The following RNFT2 variants were observed in gnomAD, a reference collection of about 807,000 sequenced individuals.
RNFT2 encodes ring finger protein, transmembrane 2.
Under a neutral mutation model 53.0 loss-of-function variants are expected in RNFT2, and 36 were observed. The ratio of observed to expected loss-of-function variants is 0.68; its 90% CI spans 0.52 to 0.90. RNFT2 has a LOEUF of 0.90. RNFT2 is among the 40% of genes least tolerant of loss of function. The probability of loss-of-function intolerance (pLI) is 0.00; values close to 1 mark genes in which losing one functional copy is unlikely to be tolerated. For missense variants in RNFT2, 514 were observed against 585.6 expected (o/e 0.88, Z 1.26); for synonymous variants, 260 against 253.2 (o/e 1.03, Z -0.26).
chr12:116,783,496 C>G (rs1873799908), intron 7 of RNFT2, among the ~76,000 whole-genome samples: 1 of 152,204 alleles, frequency 6.6e-6, no homozygotes, highest in Non-Finnish European at 1.5e-5. Context: ...TAGGCTGCAG[C>G]CATCAGCTGC....
intron 5 of RNFT2, among the ~76,000 whole-genome samples, chr12:116,761,722 A>C (rs1166996194): frequency 6.6e-6 from 1 of 152,158 alleles, no homozygotes; most frequent in Non-Finnish European, 1.5e-5. Context: ...CAGCCAGTGC[A>C]AGTGATGGCA....
At chr12:116,836,564 A>G (rs1432258456) in intron 10 of RNFT2, among the ~76,000 whole-genome samples, 2 of 152,184 alleles carry the variant, frequency 1.3e-5, no homozygotes, top group African/African-American at 2.4e-5. Flanking sequence ...GAATTTCAGC[A>G]GCATTCTTGA....
At chr12:116,750,676 T>C (rs1376241541) in intron 4 of RNFT2, among the ~76,000 whole-genome samples, 10 of 151,010 alleles carry the variant, frequency 6.6e-5, no homozygotes, top group Admixed American at 6.0e-4. Context: ...TTAACCTCTC[T>C]GTGCCTCAGT....
chr12:116,841,623 C>A (rs139041103), intron 10 of RNFT2, among the ~76,000 whole-genome samples: 8,234 of 149,676 alleles, frequency 0.055, 289 homozygotes, highest in South Asian at 0.091. Context: ...TGGCACACAC[C>A]TGTAGTCCCA....
intron 7 of RNFT2, among the ~76,000 whole-genome samples, chr12:116,802,050 G>A (rs150696631): frequency 3.2e-4 from 48 of 152,262 alleles, no homozygotes; most frequent in African/African-American, 1.1e-3. Flanking sequence ...TTGAACTCCT[G>A]ACCTCAAGTG....
intron 3 of RNFT2, among the ~76,000 whole-genome samples, chr12:116,742,309 C>T (rs1466917564): frequency 1.3e-5 from 2 of 149,456 alleles, no homozygotes; most frequent in Admixed American, 6.7e-5. Flanking sequence ...CCTCTGTTGC[C>T]CAGGCTAGAA....
intron 1 of RNFT2, among the ~76,000 whole-genome samples, chr12:116,740,106 C>T (rs1027160140): frequency 1.3e-5 from 2 of 151,602 alleles, no homozygotes; most frequent in Non-Finnish European, 2.9e-5. Context: ...TTCAGCCACT[C>T]AGGAGGCTGA....
At chr12:116,846,759 T>C (rs1877638610) in intron 10 of RNFT2, among the ~76,000 whole-genome samples, 1 of 152,152 alleles carries the variant, frequency 6.6e-6, no homozygotes, top group Non-Finnish European at 1.5e-5. Context: ...TGCCCTTTTT[T>C]TGACATCAAT....
intron 7 of RNFT2, among the ~76,000 whole-genome samples, chr12:116,817,648 A>G (rs1321741623): frequency 1.3e-5 from 2 of 152,208 alleles, no homozygotes; most frequent in Non-Finnish European, 2.9e-5. Context: ...TTAAGAATTA[A>G]TAGGCTCTGA....
intron 5 of RNFT2, among the ~76,000 whole-genome samples, chr12:116,765,802 A>C (rs1015138739): frequency 3.9e-5 from 6 of 152,150 alleles, no homozygotes; most frequent in African/African-American, 1.4e-4. Context: ...CTTGGATTTA[A>C]TTCTACACTG....
intron 6 of RNFT2, among the ~76,000 whole-genome samples, chr12:116,771,479 A>AT (rs1349492168): frequency 4.5e-5 from 5 of 110,342 alleles, no homozygotes; most frequent in East Asian, 5.0e-4. Flanking sequence ...AAAAAAAAAA[A>AT]AAAAAAAAAA....
intron 7 of RNFT2, among the ~76,000 whole-genome samples, chr12:116,833,568 T>C (rs1876799972): frequency 6.6e-6 from 1 of 152,202 alleles, no homozygotes; most frequent in African/African-American, 2.4e-5. Flanking sequence ...CTGGGCACTT[T>C]GGTCTTCTGG....
intron 10 of RNFT2, among the ~76,000 whole-genome samples, chr12:116,846,862 A>G (rs1459146781): frequency 6.6e-6 from 1 of 150,568 alleles, no homozygotes; most frequent in Non-Finnish European, 1.5e-5. Flanking sequence ...GAACAAGGAC[A>G]TACTCTCAGA....
chr12:116,831,956 C>G (rs564266672), intron 7 of RNFT2, among the ~76,000 whole-genome samples: 2 of 151,334 alleles, frequency 1.3e-5, no homozygotes, highest in Admixed American at 6.6e-5. Flanking sequence ...TGGTGAAATC[C>G]TGTCTCTACT....
At chr12:116,833,692 T>G in intron 7 of RNFT2, 100 bp from the exon 8 acceptor site, 1 of 1,213,440 alleles carries the variant, frequency 8.2e-7, no homozygotes, top group Admixed American at 2.1e-5. Context: ...GGCCTGCCTG[T>G]GACCTAGAAT....
chr12:116,812,089 GT>G (rs1340363556), intron 7 of RNFT2, among the ~76,000 whole-genome samples: 1 of 152,262 alleles, frequency 6.6e-6, no homozygotes, highest in Admixed American at 6.5e-5. Context: ...TTAGAACAGA[GT>G]TTTCAGTGCC....
intron 7 of RNFT2, among the ~76,000 whole-genome samples, chr12:116,785,615 C>T (rs542559642): frequency 6.6e-6 from 1 of 152,116 alleles, no homozygotes; most frequent in African/African-American, 2.4e-5. Context: ...TCTGTTTGGC[C>T]CACCAGTGTA....
chr12:116,798,585 A>T (rs77236042), intron 7 of RNFT2, among the ~76,000 whole-genome samples: 5,900 of 151,890 alleles, frequency 0.039, 183 homozygotes, highest in African/African-American at 0.076. Flanking sequence ...TATTTTTTAT[A>T]TTTTTGAGAC....
intron 7 of RNFT2, among the ~76,000 whole-genome samples, chr12:116,779,746 G>A (rs1331421349): frequency 6.6e-6 from 1 of 152,182 alleles, no homozygotes; most frequent in East Asian, 1.9e-4. Context: ...TTTATAGAGG[G>A]GACTGAGGCT....
Sources: gnomAD v4.1 joint callset for allele counts (sites outside exome capture counted in the v4.1 genomes callset) on GRCh38, gnomAD v4.1.1 for gene constraint, MANE v1.5 for transcripts, NCBI Gene and HGNC (gene_info 2026-07-23, HGNC 2026-07-21) for gene names.